Variants in RYR3 observed in about 807,000 individuals in gnomAD.
RYR3 encodes the protein ryanodine receptor 3.
Under a neutral mutation model 584.3 loss-of-function variants are expected in RYR3, and 207 were observed. The ratio of observed to expected loss-of-function variants is 0.35; its 90% CI spans 0.32 to 0.40. The LOEUF (loss-of-function observed/expected upper bound fraction) is 0.40. Ranked by LOEUF, RYR3 falls within the 10% of genes least tolerant of loss-of-function variation. The pLI is 1.00. For missense variants in RYR3, 5,616 were observed against 6,089.2 expected (o/e 0.92, Z 2.59); for synonymous variants, 2,416 against 2,248.5 (o/e 1.07, Z -2.11).
At chr15:33,335,962 T>G (rs1457838641) in intron 1 of RYR3, among the ~76,000 whole-genome samples, 2 of 151,946 alleles carry the variant, frequency 1.3e-5, no homozygotes, top group African/African-American at 2.4e-5. Context: ...AGAAAGGAAA[T>G]AAATGATAAA....
chr15:33,404,328 T>G (rs1224073260), intron 1 of RYR3, among the ~76,000 whole-genome samples: 6 of 152,214 alleles, frequency 3.9e-5, no homozygotes, highest in African/African-American at 1.4e-4. Flanking sequence ...ACGATAAACA[T>G]TCATCCCTTC....
intron 26 of RYR3, 100 bp from the exon 27 acceptor site, chr15:33,636,276 A>G: frequency 7.9e-6 from 8 of 1,009,790 alleles, no homozygotes; most frequent in Non-Finnish European, 1.2e-5. Flanking sequence ...AAATCATGTA[A>G]CCACTACTAG....
rs759964083 is a variant in RYR3, at chr15:33,838,224, A to T, written c.12244A>T (p.Met4082Leu). 5 of 1,614,012 alleles carry T rather than the reference A, an allele frequency of 3.1e-6. No homozygotes were observed. The South Asian group carries it at 5.5e-5, about 18-fold the overall frequency. The change falls in exon 89 of 104, where the codon ATG becomes TTG. Residue 4082 changes from methionine (M) to leucine (L), a missense_variant. Physicochemically the swap from Met to Leu is conservative, Grantham distance 15. This residue lies in a region of RYR3 where 258 missense variants were observed against 297.3 expected (regional missense o/e 0.87). Transcript: ENST00000634891. ...CAATGAAGGTGGGGAGCAGGAAAAG[A>T]TGGAGCTGTTTGTGAACTTCTGTGA... ...VVNEGGEQEKMELFVNFCEDT... is the reference protein window; with the variant it reads ...VVNEGGEQEKLELFVNFCEDT...
chr15:33,442,054 G>A (rs2141879657), intron 1 of RYR3, among the ~76,000 whole-genome samples: 1 of 152,324 alleles, frequency 6.6e-6, no homozygotes, highest in Middle Eastern at 3.4e-3. Context: ...ATAAGATGAA[G>A]CCAGAGAGAC....
chr15:33,593,283 G>A lies in RYR3; in HGVS notation c.1788+7167G>A, dbSNP rs185975155. On this transcript the variant is annotated intron_variant, in intron 16 of 103. Coordinates refer to ENST00000634891, the MANE Select transcript of RYR3 (RefSeq NM_001036.6). ...ACTTTTCTGTTTTTTTAATCTTTTG[G>A]AGAAAGCATTTTACAAGAGAAGAGT... Among the ~76,000 whole-genome samples, 41 of 152,188 alleles carry A rather than the reference G, an allele frequency of 2.7e-4. No individual in the cohort carries two copies. In the East Asian group the frequency reaches 7.2e-3, roughly 27 times the overall value.
intron 43 of RYR3, among the ~76,000 whole-genome samples, chr15:33,718,711 A>T (rs1403512505): frequency 6.6e-6 from 1 of 152,210 alleles, no homozygotes; most frequent in African/African-American, 2.4e-5. Context: ...TTTCCCTGCT[A>T]ACTGTCCCTG....
At chr15:33,703,682 C>G (rs1470262796) in intron 42 of RYR3, among the ~76,000 whole-genome samples, 1 of 152,168 alleles carries the variant, frequency 6.6e-6, no homozygotes, top group Non-Finnish European at 1.5e-5. Context: ...TAGCCCATGA[C>G]AGAGGGGTTT....
intron 10 of RYR3, among the ~76,000 whole-genome samples, chr15:33,555,224 A>G (rs2056989704): frequency 6.6e-6 from 1 of 152,128 alleles, no homozygotes; most frequent in Non-Finnish European, 1.5e-5. Context: ...CCCCTAACCA[A>G]GGTGACAGCT....
In RYR3 at chr15:33,648,225, A is replaced by G. The variant is rs1468535696; in HGVS notation, c.3978+765A>G. ...AATGGATAATATTATGCACAATATT[A>G]TGCACAGAGAGGACAAATGATTTGT... On this transcript the variant is annotated intron_variant, in intron 30 of 103. Transcript: ENST00000634891. 2.0e-5 allele frequency among the ~76,000 whole-genome samples: 3 copies of G among 152,236 alleles called. No individual in the cohort carries two copies. In the South Asian group the frequency reaches 6.2e-4, roughly 32 times the overall value.
Position 33,841,015 on chromosome 15 carries a change from C to T in RYR3, c.13037+132C>T, listed in dbSNP as rs1013519415. The T allele has an allele frequency of 2.9e-5, 22 of 766,618 alleles. No homozygotes were observed. In the African/African-American group the frequency reaches 3.1e-4, roughly 11 times the overall value. The allele number at this position is 766,618 out of a possible 1,614,324, so 47.5% of individuals were successfully genotyped here. On this transcript the variant is annotated intron_variant, in intron 90 of 103. Coordinates refer to ENST00000634891, the MANE Select transcript of RYR3 (RefSeq NM_001036.6). ...GGAGGATCACTTGAACCCAGGACTT[C>T]GAGACCATCCTGGGCAACATAATGA...
chr15:33,766,469 T>C (rs537921029), intron 60 of RYR3, among the ~76,000 whole-genome samples: 3 of 152,196 alleles, frequency 2.0e-5, no homozygotes, highest in Admixed American at 2.0e-4. Context: ...GATGCACCAG[T>C]GTGTTTTGTA....
chr15:33,525,808 G>A (rs747173785), intron 3 of RYR3, among the ~76,000 whole-genome samples: 13 of 152,176 alleles, frequency 8.5e-5, no homozygotes, highest in Non-Finnish European at 1.6e-4. Flanking sequence ...AAACCTCCCA[G>A]GCAATGTAAA....
intron 7 of RYR3, among the ~76,000 whole-genome samples, chr15:33,541,909 A>G (rs1386907304): frequency 6.6e-6 from 1 of 152,084 alleles, no homozygotes; most frequent in East Asian, 1.9e-4. Flanking sequence ...AGAATCAAGA[A>G]GCTCTGGGTT....
At chr15:33,420,009 G>C (rs2044122648) in intron 1 of RYR3, among the ~76,000 whole-genome samples, 1 of 152,146 alleles carries the variant, frequency 6.6e-6, no homozygotes. Context: ...AAATGATTTA[G>C]AGTCTTCCTC....
chr15:33,591,591 T>G (rs763070568), intron 16 of RYR3, among the ~76,000 whole-genome samples: 6 of 152,226 alleles, frequency 3.9e-5, no homozygotes, highest in Non-Finnish European at 8.8e-5. Context: ...TAACAGTCAC[T>G]GTAGTTTTTC....
chr15:33,635,398 G>A (rs925666386), intron 25 of RYR3, among the ~76,000 whole-genome samples: 3 of 152,208 alleles, frequency 2.0e-5, no homozygotes, highest in African/African-American at 4.8e-5. Context: ...GGTCTCTAAA[G>A]GATCTACTAT....
chr15:33,561,243 G>C (rs1214947079), intron 10 of RYR3, among the ~76,000 whole-genome samples: 1 of 152,162 alleles, frequency 6.6e-6, no homozygotes, highest in African/African-American at 2.4e-5. Context: ...ATGTCGTATA[G>C]ACAAACACAT....
rs373473539 is a variant in RYR3, at chr15:33,635,653, G to A, written c.3215G>A (p.Arg1072Gln). 4.3e-6 allele frequency: 7 copies of A among 1,613,818 alleles called. No individual in the cohort carries two copies. The highest frequency in any genetic ancestry group is 1.7e-5 in the Admixed American group (1 of 60,012). Reference protein sequence around the residue: ...AVEKVSIDKIRFFRVERSYAV... With the variant: ...AVEKVSIDKIQFFRVERSYAV... The stretch of plus-strand genomic sequence containing the variant: ...GAGAAGGTCAGCATAGACAAGATCC[G>A]ATTTTTCCGGGTAGAGCGATCTTAT... The change falls in exon 26 of 104, where the codon CGA becomes CAA. Residue 1072 changes from arginine (R) to glutamine (Q), a missense_variant. Physicochemically the swap from Arg to Gln is conservative, Grantham distance 43 (BLOSUM62 1). Coordinates refer to ENST00000634891, the MANE Select transcript of RYR3 (RefSeq NM_001036.6).
At chr15:33,678,005 G>T (rs1342838776) in intron 38 of RYR3, among the ~76,000 whole-genome samples, 1 of 152,138 alleles carries the variant, frequency 6.6e-6, no homozygotes, top group Non-Finnish European at 1.5e-5. Flanking sequence ...GCGTTGCTTT[G>T]CCTAAAGAAA....
Sources: allele counts gnomAD v4.1 joint callset (sites outside exome capture counted in the v4.1 genomes callset), GRCh38; gene constraint gnomAD v4.1.1; regional missense constraint gnomAD v4.1.1; transcripts MANE v1.5; gene names NCBI Gene and HGNC (gene_info 2026-07-23, HGNC 2026-07-21).